The following FAM169A variants were observed in gnomAD, a reference collection of about 807,000 sequenced individuals.
The protein encoded by FAM169A is soluble lamin-associated protein of 75 kDa.
In FAM169A, 24 loss-of-function variants were observed where a neutral mutation model predicts 75.7. That is an observed-to-expected ratio of 0.32 (90% confidence interval 0.23 to 0.45). The LOEUF is 0.45. Ranked by LOEUF, FAM169A falls within the 20% of genes least tolerant of loss-of-function variation. The probability of loss-of-function intolerance (pLI) is 1.00; values close to 1 mark genes in which losing one functional copy is unlikely to be tolerated. For missense variants in FAM169A, 673 were observed against 784.0 expected (o/e 0.86, Z 1.69); for synonymous variants, 271 against 271.0 (o/e 1.00, Z 0.00).
chr5:74,805,924 G>T (rs536145436), intron 6 of FAM169A, among the ~76,000 whole-genome samples: 2 of 137,020 alleles, frequency 1.5e-5, no homozygotes, highest in East Asian at 4.2e-4. Context: ...AAAGAACAAA[G>T]GATAAGAAAA....
At chr5:74,818,761 G>A (rs1206884879) in intron 5 of FAM169A, among the ~76,000 whole-genome samples, 2 of 135,714 alleles carry the variant, frequency 1.5e-5, no homozygotes, top group Middle Eastern at 4.3e-3. Context: ...TTGTGGTGAC[G>A]GTTTCACAGC....
At chr5:74,817,183 A>G (rs951140515) in intron 5 of FAM169A, among the ~76,000 whole-genome samples, 1 of 152,114 alleles carries the variant, frequency 6.6e-6, no homozygotes, top group African/African-American at 2.4e-5. Flanking sequence ...ATTGTACTAG[A>G]GGATCTAGCT....
intron 6 of FAM169A, among the ~76,000 whole-genome samples, chr5:74,808,849 T>G (rs1053065712): frequency 6.6e-6 from 1 of 152,216 alleles, no homozygotes; most frequent in Non-Finnish European, 1.5e-5. Context: ...AATATTGTAT[T>G]TAGTTCTCCC....
chr5:74,855,486 C>T (rs1250716208), intron 1 of FAM169A, among the ~76,000 whole-genome samples: 1 of 152,192 alleles, frequency 6.6e-6, no homozygotes, highest in Non-Finnish European at 1.5e-5. Context: ...GCATAAGCCA[C>T]CGTGCCTGGC....
chr5:74,836,943 CAA>C (rs34901874), intron 4 of FAM169A, among the ~76,000 whole-genome samples: 204 of 132,880 alleles, frequency 1.5e-3, no homozygotes, highest in Admixed American at 1.9e-3. Flanking sequence ...AAGCCTGTGT[CAA>C]AAAAAAAAAA....
intron 5 of FAM169A, among the ~76,000 whole-genome samples, chr5:74,831,628 T>A (rs1172647543): frequency 6.6e-6 from 1 of 152,090 alleles, no homozygotes; most frequent in African/African-American, 2.4e-5. Flanking sequence ...CCTTTGAGGG[T>A]CTTGTTGGCG....
At chr5:74,860,741 T>C (rs891775567) in intron 1 of FAM169A, among the ~76,000 whole-genome samples, 7 of 151,046 alleles carry the variant, frequency 4.6e-5, no homozygotes, top group African/African-American at 1.7e-4. Context: ...TTCTTCTCTC[T>C]CTTCTTCTTA....
At chr5:74,866,684 A>T, upstream of FAM169A, 1 of 930,654 alleles carries the variant, frequency 1.1e-6, no homozygotes, top group Non-Finnish European at 1.3e-6. Flanking sequence ...TGGCTTAGAT[A>T]TAAAAATAGA....
chr5:74,863,111 G>C (rs1750127515), intron 1 of FAM169A, among the ~76,000 whole-genome samples: 2 of 151,514 alleles, frequency 1.3e-5, no homozygotes, highest in South Asian at 4.2e-4. Flanking sequence ...TAGATGAGTA[G>C]TCCCCTATAC....
Position 74,800,970 on chromosome 5 carries a change from A to G in FAM169A, c.1013T>C (p.Ile338Thr). The G allele has an allele frequency of 2.6e-6, 4 of 1,562,344 alleles. No individual in the cohort carries two copies. Among genetic ancestry groups the G allele is most frequent in the Non-Finnish European group, 2.6e-6 (3 of 1,153,722 alleles). The part of the protein sequence containing the change: ...TRSGNLKRPK[I>T]GKRFQDSEFS... The stretch of plus-strand genomic sequence containing the variant: ...TTCAGAATCCTGAAACCGCTTTCCA[A>G]TCTTTGGCCGCTTTAGATTACCACT... The change falls in exon 10 of 13, where the codon ATT becomes ACT. Residue 338 changes from isoleucine to threonine, a missense_variant. By Grantham distance (89) the Ile-to-Thr change is moderately conservative. This residue lies in a region of FAM169A where 510 missense variants were observed against 550.9 expected (regional missense o/e 0.93). Coordinates refer to ENST00000687041, the MANE Select transcript of FAM169A (RefSeq NM_001376049.1).
chr5:74,827,207 G>A (rs930250384), intron 5 of FAM169A, among the ~76,000 whole-genome samples: 1 of 151,918 alleles, frequency 6.6e-6, no homozygotes, highest in Non-Finnish European at 1.5e-5. Flanking sequence ...TTTTCCCTTT[G>A]CAGTTAATAA....
chr5:74,799,977 C>G (rs1354632724), intron 10 of FAM169A: 2 of 804,954 alleles, frequency 2.5e-6, no homozygotes, highest in Admixed American at 1.7e-5. Context: ...TAGCATCACT[C>G]AAGTCTCTAT....
rs1394579825 is a variant in FAM169A at position 74,787,214 on chromosome 5, T to C, written c.1261-4080A>G. Among the ~76,000 whole-genome samples the C allele has an allele frequency of 3.3e-5, 5 of 151,954 alleles. No homozygotes were observed. The East Asian group carries it at 9.7e-4, about 29-fold the overall frequency. On this transcript the variant is annotated intron_variant, in intron 11 of 12. Transcript: ENST00000687041. Reference sequence around the variant, plus strand: ...GGATGATGGTGGAAGGAACATAGAGTTCGATCAGGCTGAATTTATTGATTC... The same window carrying C: ...GGATGATGGTGGAAGGAACATAGAGCTCGATCAGGCTGAATTTATTGATTC...
intron 9 of FAM169A, among the ~76,000 whole-genome samples, 178 bp downstream of exon 9, chr5:74,801,411 GT>G (rs1308124469): frequency 1.3e-5 from 2 of 152,106 alleles, no homozygotes; most frequent in African/African-American, 4.8e-5. Flanking sequence ...CTTACTCAGT[GT>G]TCACATAGCA....
intron 8 of FAM169A, among the ~76,000 whole-genome samples, chr5:74,803,237 G>A (rs1224472845): frequency 6.6e-6 from 1 of 151,994 alleles, no homozygotes; most frequent in African/African-American, 2.4e-5. Context: ...TACATTTATA[G>A]GAAGAGTAGA....
chr5:74,854,406 T>A (rs1295498425), intron 1 of FAM169A, among the ~76,000 whole-genome samples: 1 of 151,746 alleles, frequency 6.6e-6, no homozygotes, highest in Non-Finnish European at 1.5e-5. Flanking sequence ...AAAATAATAA[T>A]AATAATAATA....
At chr5:74,792,218 G>A (rs1040370391) in intron 11 of FAM169A, among the ~76,000 whole-genome samples, 1 of 152,186 alleles carries the variant, frequency 6.6e-6, no homozygotes, top group Admixed American at 6.5e-5. Flanking sequence ...TTAATACTGA[G>A]TGTCAACTTG....
rs759874426 is a variant in FAM169A, at chr5:74,801,636, AAG to A, written c.913-9_913-8del. The A allele has an allele frequency of 1.7e-5, 28 of 1,607,264 alleles. No individual in the cohort carries two copies. The African/African-American group carries it at 2.8e-4, about 16-fold the overall frequency. The stretch of plus-strand genomic sequence containing the variant: ...CATCTTTTAGAGAATCAATCTAAAA[AAG>A]AGAGAGATTCAAACCCAAAGTTTTA... On this transcript the variant is annotated splice_region_variant and splice_polypyrimidine_tract_variant and intron_variant, in intron 8 of 12. Coordinates refer to ENST00000687041, the MANE Select transcript of FAM169A (RefSeq NM_001376049.1).
intron 6 of FAM169A, 49 bp downstream of exon 6, chr5:74,813,791 G>A (rs200154991): frequency 3.7e-5 from 49 of 1,337,624 alleles, no homozygotes; most frequent in Admixed American, 8.0e-5. Context: ...GAAACAAGTC[G>A]GAAGTGACAC....
Sources: gnomAD v4.1 joint callset for allele counts (sites outside exome capture counted in the v4.1 genomes callset) on GRCh38, gnomAD v4.1.1 for gene constraint, gnomAD v4.1.1 regional missense constraint, MANE v1.5 for transcripts, NCBI Gene and HGNC (gene_info 2026-07-23, HGNC 2026-07-21) for gene names.